Variants in CAMK1D observed in about 807,000 individuals in gnomAD.
The protein encoded by CAMK1D is calcium/calmodulin dependent protein kinase ID, also known as calcium/calmodulin-dependent protein kinase type 1D.
Under a neutral mutation model 47.7 loss-of-function variants are expected in CAMK1D, and 9 were observed. The ratio of observed to expected loss-of-function variants is 0.19; its 90% CI spans 0.11 to 0.33. CAMK1D has a LOEUF of 0.33. Ranked by LOEUF, CAMK1D falls within the 10% of genes least tolerant of loss-of-function variation. The pLI is 1.00. For synonymous variants in CAMK1D, 184 were observed against 184.9 expected (o/e 0.99, Z 0.04); for missense variants, 291 against 488.7 (o/e 0.60, Z 3.81).
chr10:12,706,986 G>A (rs897135695), intron 3 of CAMK1D, among the ~76,000 whole-genome samples: 2 of 152,094 alleles, frequency 1.3e-5, no homozygotes, highest in Admixed American at 6.5e-5. Flanking sequence ...AAAGGAAGAC[G>A]GACAAACTGT....
chr10:12,699,075 A>G (rs968079126), intron 3 of CAMK1D, among the ~76,000 whole-genome samples: 1 of 152,010 alleles, frequency 6.6e-6, no homozygotes, highest in Non-Finnish European at 1.5e-5. Flanking sequence ...ATTCTCCCCA[A>G]ATTGCCCTTG....
chr10:12,762,165 A>G (rs1836541486), intron 4 of CAMK1D, among the ~76,000 whole-genome samples: 2 of 152,190 alleles, frequency 1.3e-5, no homozygotes, highest in African/African-American at 2.4e-5. Context: ...CAAAGCTGCA[A>G]TGTGACCTCA....
intron 3 of CAMK1D, among the ~76,000 whole-genome samples, chr10:12,678,661 G>C (rs530485221): frequency 6.6e-6 from 1 of 152,252 alleles, no homozygotes; most frequent in African/African-American, 2.4e-5. Context: ...CCAATGTTTG[G>C]TGCATGTATG....
At chr10:12,353,322 G>C (rs1054007624) in intron 1 of CAMK1D, among the ~76,000 whole-genome samples, 3 of 152,182 alleles carry the variant, frequency 2.0e-5, no homozygotes, top group Non-Finnish European at 2.9e-5. Context: ...GGAAAGCCTT[G>C]TAAGAAGCAG....
At chr10:12,561,510 C>G (rs1836942866) in intron 2 of CAMK1D, among the ~76,000 whole-genome samples, 1 of 152,078 alleles carries the variant, frequency 6.6e-6, no homozygotes, top group Admixed American at 6.6e-5. Flanking sequence ...GTCCTTCCTC[C>G]TTTTTGCTGC....
intron 3 of CAMK1D, among the ~76,000 whole-genome samples, chr10:12,692,901 C>G (rs748782772): frequency 2.6e-5 from 4 of 152,150 alleles, no homozygotes; most frequent in Non-Finnish European, 5.9e-5. Flanking sequence ...TTTGAAGGAG[C>G]TGTGATGGCA....
chr10:12,588,830 A>ATACATG (rs1837903052), intron 2 of CAMK1D, among the ~76,000 whole-genome samples: 2 of 151,398 alleles, frequency 1.3e-5, no homozygotes, highest in African/African-American at 2.4e-5. Context: ...GCACATACAT[A>ATACATG]TATATGTGCT....
intron 1 of CAMK1D, among the ~76,000 whole-genome samples, chr10:12,433,200 C>A (rs898346424): frequency 2.6e-5 from 4 of 152,144 alleles, no homozygotes; most frequent in African/African-American, 9.7e-5. Flanking sequence ...TTGGAGATCC[C>A]CCATCTCCCT....
intron 3 of CAMK1D, among the ~76,000 whole-genome samples, chr10:12,716,806 C>T (rs1202921201): frequency 6.6e-6 from 1 of 152,080 alleles, no homozygotes; most frequent in Non-Finnish European, 1.5e-5. Flanking sequence ...GCGTGGTGTT[C>T]ACTGCAATTC....
Position 12,385,068 on chromosome 10 carries a change from C to T in CAMK1D, c.92+35158C>T, listed in dbSNP as rs141960377. On this transcript the variant is annotated intron_variant, in intron 1 of 10. Transcript: ENST00000619168. The stretch of plus-strand genomic sequence containing the variant: ...CCACAATTAGATGTCACTTCATACC[C>T]GCTAGGATGACTGTAATAAAAAGAT... Among the ~76,000 whole-genome samples the T allele has an allele frequency of 5.7e-4, 87 of 152,236 alleles. 2 individuals are homozygous for T. Among genetic ancestry groups the T allele is most frequent in the African/African-American group, 1.8e-3 (74 of 41,546 alleles).
At chr10:12,530,945 T>C (rs1835786031) in intron 1 of CAMK1D, among the ~76,000 whole-genome samples, 1 of 151,860 alleles carries the variant, frequency 6.6e-6, no homozygotes, top group African/African-American at 2.4e-5. Context: ...TAATCCCAGC[T>C]ACTCAGGAGG....
intron 3 of CAMK1D, among the ~76,000 whole-genome samples, chr10:12,754,993 A>T (rs1293707424): frequency 6.6e-6 from 1 of 152,196 alleles, no homozygotes; most frequent in African/African-American, 2.4e-5. Context: ...AAACGCCCAG[A>T]ATCAGAGTGT....
At chr10:12,691,356 TATATATATATATATATATATAA>T (rs1247321934) in intron 3 of CAMK1D, among the ~76,000 whole-genome samples, 4 of 6,188 alleles carry the variant, frequency 6.5e-4, no homozygotes, top group African/African-American at 1.9e-3. Context: ...TTTCTATATA[TATATATATATATATATATATAA>T]ATATATATAT....
At chr10:12,440,803 G>T (rs1832765438) in intron 1 of CAMK1D, among the ~76,000 whole-genome samples, 1 of 152,208 alleles carries the variant, frequency 6.6e-6, no homozygotes, top group Non-Finnish European at 1.5e-5. Flanking sequence ...CTGTATATAT[G>T]ATGGGATGCA....
In CAMK1D at chr10:12,757,926, A is replaced by G. The variant is rs180769351; in HGVS notation, c.300-3022A>G. Among the ~76,000 whole-genome samples the G allele has an allele frequency of 6.0e-3, 814 of 136,274 alleles. 7 individuals carry two copies. The highest frequency in any genetic ancestry group is 0.022 in the African/African-American group (790 of 35,538). 89.4% of individuals were successfully genotyped at this position (136,274 alleles called of 152,430 possible). On this transcript the variant is annotated intron_variant, in intron 3 of 10. Coordinates refer to ENST00000619168, the MANE Select transcript of CAMK1D (RefSeq NM_153498.4). ...GAGTGCAATGGCATGATCTCGGCTC[A>G]CCGCAATCTCTGCCTCCCCAGTTCA... is the stretch of plus-strand genomic sequence containing the variant.
chr10:12,635,920 T>G (rs1164978337), intron 2 of CAMK1D, among the ~76,000 whole-genome samples: 2 of 152,220 alleles, frequency 1.3e-5, no homozygotes, highest in African/African-American at 2.4e-5. Context: ...TCACTAGGCT[T>G]GCAAGAAAAC....
Position 12,578,915 on chromosome 10 carries a change from G to A in CAMK1D, c.224+25559G>A, listed in dbSNP as rs78939639. The A allele has an allele frequency of 2.8e-3, 437 of 153,854 alleles. 4 individuals carry two copies. In the Middle Eastern group the frequency reaches 0.031, roughly 11 times the overall value. 9.5% of individuals were successfully genotyped at this position (153,854 alleles called of 1,614,324 possible). A position where few individuals can be genotyped will look rare whatever the true frequency, so the allele number is the denominator to read the frequency against. The stretch of plus-strand genomic sequence containing the variant: ...TTTTCAGGTGCTATGTGAACACGGT[G>A]GGTAGAGACGCATAGCACATGAGCC... On this transcript the variant is annotated intron_variant, in intron 2 of 10. Coordinates refer to ENST00000619168, the MANE Select transcript of CAMK1D (RefSeq NM_153498.4).
intron 1 of CAMK1D, among the ~76,000 whole-genome samples, chr10:12,465,625 G>A (rs1177716817): frequency 1.3e-5 from 2 of 152,166 alleles, no homozygotes; most frequent in African/African-American, 2.4e-5. Context: ...ACAGTGCTGG[G>A]ATTACAGGTG....
intron 2 of CAMK1D, among the ~76,000 whole-genome samples, chr10:12,601,818 C>A (rs1351633632): frequency 6.6e-6 from 1 of 152,210 alleles, no homozygotes; most frequent in Admixed American, 6.5e-5. Flanking sequence ...ATCAGCAGGG[C>A]TTTCTTCTCC....
Sources: gnomAD v4.1 joint callset for allele counts (sites outside exome capture counted in the v4.1 genomes callset) on GRCh38, gnomAD v4.1.1 for gene constraint, MANE v1.5 for transcripts, NCBI Gene and HGNC (gene_info 2026-07-23, HGNC 2026-07-21) for gene names.